Variants in MTUS2 observed in about 807,000 individuals in gnomAD.
The protein encoded by MTUS2 is microtubule associated scaffold protein 2.
Under a neutral mutation model 114.1 loss-of-function variants are expected in MTUS2, and 40 were observed. The ratio of observed to expected loss-of-function variants is 0.35; its 90% CI spans 0.27 to 0.46. The LOEUF (loss-of-function observed/expected upper bound fraction) is 0.46. Among genes scored for constraint, MTUS2 ranks in the 20% least tolerant of loss-of-function variants. The pLI is 1.00. For missense variants in MTUS2, 1,679 were observed against 1,705.4 expected (o/e 0.98, Z 0.27); for synonymous variants, 688 against 672.0 (o/e 1.02, Z -0.37).
intron 5 of MTUS2, among the ~76,000 whole-genome samples, chr13:29,225,782 T>C (rs1411854733): frequency 1.3e-5 from 2 of 152,194 alleles, no homozygotes; most frequent in African/African-American, 4.8e-5. Context: ...TTTCTGTTAA[T>C]AGAATATCTA....
chr13:29,010,846 A>T (rs973906881), intron 2 of MTUS2, among the ~76,000 whole-genome samples: 2 of 152,102 alleles, frequency 1.3e-5, no homozygotes, highest in Admixed American at 1.3e-4. Flanking sequence ...GAGTCAGTGT[A>T]TAGCTATGCT....
chr13:28,902,421 T>G (rs1334551603), intron 2 of MTUS2, among the ~76,000 whole-genome samples: 1 of 152,134 alleles, frequency 6.6e-6, no homozygotes, highest in Non-Finnish European at 1.5e-5. Context: ...CATTCAGGCA[T>G]TAAGAAATGC....
chr13:29,219,797 T>A (rs1895833003), intron 5 of MTUS2, among the ~76,000 whole-genome samples: 1 of 152,222 alleles, frequency 6.6e-6, no homozygotes, highest in South Asian at 2.1e-4. Flanking sequence ...CTCTGCCAAC[T>A]TGGAAGTTTT....
intron 7 of MTUS2, among the ~76,000 whole-genome samples, chr13:29,350,962 T>TATATATATATATATATATATATATATC (rs1869203288): frequency 5.3e-5 from 1 of 18,898 alleles, no homozygotes; most frequent in Non-Finnish European, 1.6e-4. Flanking sequence ...ATATATTTCA[T>TATATATATATATATATATATATATATC]ATATATATAT....
At chr13:28,823,498 T>A (rs1874050735) in intron 1 of MTUS2, among the ~76,000 whole-genome samples, 29 of 152,198 alleles carry the variant, frequency 1.9e-4, no homozygotes, top group Admixed American at 1.8e-3. Context: ...GTATACCTTG[T>A]CTATCAATTA....
rs1593357437 is a variant in MTUS2, at chr13:28,986,118, T to C, written c.-242-38339T>C. ...TTTCCTTTAAGAGTGTGAGAAGTTA[T>C]TTGGGTCTGAAGCAGCATCTAGGAT... On this transcript the variant is annotated intron_variant, in intron 2 of 15. Coordinates refer to ENST00000612955, the MANE Select transcript of MTUS2 (RefSeq NM_001033602.4). Among the ~76,000 whole-genome samples, 3 of 151,980 alleles carry C rather than the reference T, an allele frequency of 2.0e-5. No homozygotes were observed. The South Asian group carries it at 6.2e-4, about 32-fold the overall frequency.
intron 4 of MTUS2, among the ~76,000 whole-genome samples, chr13:29,073,984 T>G (rs115366824): frequency 6.6e-6 from 1 of 152,124 alleles, no homozygotes; most frequent in Admixed American, 6.6e-5. Context: ...ACTTAATCCA[T>G]CCGCTCAGCC....
chr13:29,038,264 A>G (rs1345960251), intron 4 of MTUS2, among the ~76,000 whole-genome samples: 1 of 152,080 alleles, frequency 6.6e-6, no homozygotes, highest in East Asian at 1.9e-4. Flanking sequence ...ATATTATTGG[A>G]TTCTGTTAGT....
chr13:29,329,662 G>A (rs1900684338), intron 7 of MTUS2, among the ~76,000 whole-genome samples: 1 of 149,076 alleles, frequency 6.7e-6, no homozygotes, highest in Non-Finnish European at 1.5e-5. Context: ...TTGCCAGGCT[G>A]GAGTGCAGTG....
At chr13:28,907,934 C>G (rs1880151559) in intron 2 of MTUS2, among the ~76,000 whole-genome samples, 1 of 151,466 alleles carries the variant, frequency 6.6e-6, no homozygotes. Context: ...GGTGAGTAAT[C>G]TGAATTGTGT....
chr13:28,884,671 G>C (rs997088440), intron 2 of MTUS2, among the ~76,000 whole-genome samples: 1 of 152,166 alleles, frequency 6.6e-6, no homozygotes, highest in East Asian at 1.9e-4. Context: ...AATGAAGTTT[G>C]TAGATGTACC....
Position 29,181,595 on chromosome 13 carries a change from T to G in MTUS2, c.2644+80625T>G, listed in dbSNP as rs1423167706. On this transcript the variant is annotated intron_variant, in intron 5 of 15. Transcript: ENST00000612955. ...GCCTCGGGGTTAGGATTTAGCAGTT[T>G]TGAAGAGATTTGTTTAATATATATG... 1.3e-5 allele frequency among the ~76,000 whole-genome samples: 2 copies of G among 152,340 alleles called. 1 individual carries two copies. Among genetic ancestry groups the G allele is most frequent in the African/African-American group, 4.8e-5 (2 of 41,578 alleles).
intron 5 of MTUS2, among the ~76,000 whole-genome samples, chr13:29,121,804 G>A (rs1001760586): frequency 1.3e-5 from 2 of 152,032 alleles, no homozygotes; most frequent in African/African-American, 2.4e-5. Context: ...TTACAGGCAT[G>A]TACCAGCACA....
At chr13:29,474,408 T>A (rs927036882) in intron 9 of MTUS2, among the ~76,000 whole-genome samples, 6 of 152,332 alleles carry the variant, frequency 3.9e-5, no homozygotes, top group Admixed American at 6.5e-5. Flanking sequence ...ACAATAATTT[T>A]AAAAATCTTT....
chr13:28,985,557 AT>A (rs1884544491), intron 2 of MTUS2, among the ~76,000 whole-genome samples: 1 of 131,930 alleles, frequency 7.6e-6, no homozygotes, highest in Non-Finnish European at 1.6e-5. Context: ...AAGAAATGGT[AT>A]TCTTTTTTTT....
chr13:28,886,098 G>A (rs1464539241), intron 2 of MTUS2, among the ~76,000 whole-genome samples: 1 of 152,200 alleles, frequency 6.6e-6, no homozygotes, highest in Non-Finnish European at 1.5e-5. Flanking sequence ...ATGAGTCTGG[G>A]CAGAGTTGCT....
chr13:29,131,457 G>T (rs1891759391), intron 5 of MTUS2, among the ~76,000 whole-genome samples: 1 of 152,276 alleles, frequency 6.6e-6, no homozygotes, highest in African/African-American at 2.4e-5. Flanking sequence ...GCTGCCAACA[G>T]ATCCCAGACA....
intron 2 of MTUS2, among the ~76,000 whole-genome samples, chr13:28,995,336 T>C (rs1375251232): frequency 6.6e-6 from 1 of 152,248 alleles, no homozygotes; most frequent in Non-Finnish European, 1.5e-5. Context: ...GGTAGTGTGA[T>C]GCCTCCAGCT....
chr13:29,498,826 G>A (rs562528750), intron 14 of MTUS2, among the ~76,000 whole-genome samples: 17 of 152,300 alleles, frequency 1.1e-4, no homozygotes, highest in Non-Finnish European at 2.2e-4. Flanking sequence ...TCTTGGGGAC[G>A]TGTGGGGACC....
Sources: gnomAD v4.1 joint callset for allele counts (sites outside exome capture counted in the v4.1 genomes callset) on GRCh38, gnomAD v4.1.1 for gene constraint, MANE v1.5 for transcripts, NCBI Gene and HGNC (gene_info 2026-07-23, HGNC 2026-07-21) for gene names.